Variants in CNTN5 observed in about 807,000 individuals in gnomAD.
The protein encoded by CNTN5 is contactin 5.
A neutral mutation model predicts 129.1 loss-of-function variants in CNTN5; 77 were observed. The ratio of observed to expected loss-of-function variants is 0.60; its 90% CI spans 0.50 to 0.72. CNTN5 has a LOEUF of 0.72. Ranked by LOEUF, CNTN5 falls within the 30% of genes least tolerant of loss-of-function variation. The probability of loss-of-function intolerance (pLI) is 0.00; values close to 1 mark genes in which losing one functional copy is unlikely to be tolerated. For missense variants in CNTN5, 1,478 were observed against 1,328.8 expected, an observed-to-expected ratio of 1.11 and a Z score of -1.75; for synonymous variants, 509 against 465.6, an observed-to-expected ratio of 1.09 and a Z score of -1.20.
chr11:99,042,139 T>C (rs924516576), intron 1 of CNTN5, among the ~76,000 whole-genome samples: 2 of 152,276 alleles, frequency 1.3e-5, no homozygotes, highest in East Asian at 1.9e-4. Context: ...TTTGAACACA[T>C]ACTGAGTATG....
rs546991777 is a variant in CNTN5, at chr11:99,550,342, A to G, written c.-70-5803A>G. Among the ~76,000 whole-genome samples, 373 of 152,344 alleles carry G rather than the reference A, an allele frequency of 2.4e-3. 1 individual carries two copies. Among genetic ancestry groups the G allele is most frequent in the Non-Finnish European group, 4.5e-3 (304 of 68,016 alleles). On this transcript the variant is annotated intron_variant, in intron 2 of 24. Coordinates refer to ENST00000524871, the MANE Select transcript of CNTN5 (RefSeq NM_014361.4). The stretch of plus-strand genomic sequence containing the variant: ...AGACACATTCTTCTTTATTCCTGCT[A>G]TAACTTTGGCCACATTTTGTTATCT...
intron 3 of CNTN5, 160 bp from the exon 4 acceptor site, chr11:99,819,384 A>C (rs1201327629): frequency 1.8e-6 from 1 of 545,374 alleles, no homozygotes. Context: ...AATATTAAAA[A>C]ATATAAAAGT....
intron 8 of CNTN5, among the ~76,000 whole-genome samples, chr11:99,957,339 T>A (rs748723437): frequency 7.2e-5 from 11 of 152,346 alleles, no homozygotes; most frequent in Non-Finnish European, 1.6e-4. Flanking sequence ...CATATGTGTA[T>A]GAATTGCAAG....
At chr11:99,530,697 C>G in intron 2 of CNTN5, among the ~76,000 whole-genome samples, 1 of 152,148 alleles carries the variant, frequency 6.6e-6, no homozygotes, top group East Asian at 1.9e-4. Context: ...ATCATGGGGG[C>G]CAGTCTTTCC....
chr11:100,187,560 T>C (rs1403647102), intron 13 of CNTN5, among the ~76,000 whole-genome samples: 2 of 152,068 alleles, frequency 1.3e-5, no homozygotes, highest in Admixed American at 6.6e-5. Context: ...AAGGTTACAG[T>C]AAACTAAAAC....
chr11:100,236,153 G>A (rs1402110545), intron 16 of CNTN5, among the ~76,000 whole-genome samples: 1 of 152,062 alleles, frequency 6.6e-6, no homozygotes, highest in Non-Finnish European at 1.5e-5. Context: ...GATGATCAAA[G>A]GTCAATTCCT....
intron 2 of CNTN5, among the ~76,000 whole-genome samples, chr11:99,514,514 T>TGC (rs1946968338): frequency 6.6e-6 from 1 of 151,998 alleles, no homozygotes; most frequent in South Asian, 2.1e-4. Flanking sequence ...TATTGTAAGT[T>TGC]AAAAAATTGC....
chr11:99,060,891 G>A (rs528806302), intron 1 of CNTN5, among the ~76,000 whole-genome samples: 3 of 152,058 alleles, frequency 2.0e-5, no homozygotes, highest in East Asian at 3.9e-4. Context: ...TATCCTATGA[G>A]AGAGTGCAAG....
chr11:99,728,020 T>G (rs1166556066), intron 3 of CNTN5, among the ~76,000 whole-genome samples: 1 of 152,128 alleles, frequency 6.6e-6, no homozygotes, highest in East Asian at 1.9e-4. Flanking sequence ...ATCAACTAAA[T>G]CAATCATTTT....
At chr11:99,807,201 A>C (rs1240035213) in intron 3 of CNTN5, among the ~76,000 whole-genome samples, 2 of 152,190 alleles carry the variant, frequency 1.3e-5, no homozygotes, top group East Asian at 3.9e-4. Context: ...TGGTATGCAA[A>C]ATAACATAAA....
At chr11:99,194,583 A>C (rs181556743) in intron 1 of CNTN5, among the ~76,000 whole-genome samples, 1 of 152,050 alleles carries the variant, frequency 6.6e-6, no homozygotes, top group African/African-American at 2.4e-5. Flanking sequence ...GTCTTCAACA[A>C]TTTTTCATCA....
At chr11:99,334,431 G>A (rs1183425735) in intron 2 of CNTN5, among the ~76,000 whole-genome samples, 1 of 152,056 alleles carries the variant, frequency 6.6e-6, no homozygotes, top group Non-Finnish European at 1.5e-5. Flanking sequence ...ATCTTAATTT[G>A]ATCATTATAC....
chr11:99,716,839 G>C (rs866887761), intron 3 of CNTN5, among the ~76,000 whole-genome samples: 1 of 152,040 alleles, frequency 6.6e-6, no homozygotes, highest in Non-Finnish European at 1.5e-5. Flanking sequence ...TCATTCAACA[G>C]TGTTTTAAAA....
At chr11:99,081,825 A>G (rs972727031) in intron 1 of CNTN5, among the ~76,000 whole-genome samples, 2 of 152,170 alleles carry the variant, frequency 1.3e-5, no homozygotes, top group Non-Finnish European at 2.9e-5. Context: ...GGATCTTATC[A>G]ATTATTAAGA....
intron 9 of CNTN5, among the ~76,000 whole-genome samples, chr11:100,054,414 A>T (rs12279744): frequency 6.6e-6 from 1 of 151,744 alleles, no homozygotes; most frequent in African/African-American, 2.4e-5. Flanking sequence ...CAACCTAACC[A>T]GTATTTTCCT....
chr11:99,515,477 C>G (rs887291317), intron 2 of CNTN5, among the ~76,000 whole-genome samples: 9 of 151,950 alleles, frequency 5.9e-5, no homozygotes, highest in African/African-American at 1.4e-4. Context: ...TATCATCTGT[C>G]TTTTTCACCA....
At chr11:99,354,065 C>T (rs1938477593) in intron 2 of CNTN5, among the ~76,000 whole-genome samples, 1 of 152,116 alleles carries the variant, frequency 6.6e-6, no homozygotes, top group African/African-American at 2.4e-5. Flanking sequence ...TTAGCGCATC[C>T]TAAGACATCA....
intron 1 of CNTN5, among the ~76,000 whole-genome samples, chr11:99,033,980 C>G (rs541925521): frequency 0.013 from 1,915 of 151,522 alleles, 36 homozygotes; most frequent in African/African-American, 0.043. Context: ...TAGCATGAAG[C>G]GTTGTTGAAT....
At chr11:100,328,620 A>C (rs1158668439) in intron 21 of CNTN5, among the ~76,000 whole-genome samples, 2 of 152,126 alleles carry the variant, frequency 1.3e-5, no homozygotes, top group Non-Finnish European at 2.9e-5. Flanking sequence ...CCGAGAACTT[A>C]TTCACTATCA....
Sources: allele counts gnomAD v4.1 joint callset (sites outside exome capture counted in the v4.1 genomes callset), GRCh38; gene constraint gnomAD v4.1.1; transcripts MANE v1.5; gene names NCBI Gene and HGNC (gene_info 2026-07-23, HGNC 2026-07-21).